The following ANXA2 variants were observed in gnomAD, a reference collection of about 807,000 sequenced individuals.
The protein encoded by ANXA2 is annexin A2.
ANXA2 carries 28 observed loss-of-function variants against 47.3 expected under a neutral mutation model. The observed-to-expected ratio is 0.59, with a 90% CI of 0.44 to 0.81. The LOEUF (loss-of-function observed/expected upper bound fraction) is 0.81, where lower values mean the gene tolerates loss of function less well. Ranked by LOEUF, ANXA2 falls within the 40% of genes least tolerant of loss-of-function variation. The pLI, the probability that ANXA2 is intolerant of heterozygous loss-of-function variation, is 0.00. For missense variants in ANXA2, 384 were observed against 414.3 expected (o/e 0.93, Z 0.64); for synonymous variants, 172 against 155.5 (o/e 1.11, Z -0.79).
intron 4 of ANXA2, chr15:60,361,420 C>G (rs1257795891): frequency 5.0e-6 from 1 of 200,560 alleles, no homozygotes; most frequent in Non-Finnish European, 1.0e-5. Flanking sequence ...GATCAAGGCC[C>G]CTGCTAAGAA....
chr15:60,373,777 G>C (rs2062741004), intron 3 of ANXA2, among the ~76,000 whole-genome samples: 1 of 152,212 alleles, frequency 6.6e-6, no homozygotes, highest in Non-Finnish European at 1.5e-5. Context: ...GAAAAGACTG[G>C]CTGAGTTAAC....
At chr15:60,396,474 A>G (rs754402249) in intron 1 of ANXA2, 1 of 152,084 alleles carries the variant, frequency 6.6e-6, no homozygotes, top group Non-Finnish European at 1.5e-5. Flanking sequence ...AGGGGCAAAG[A>G]CATAATTTTC....
chr15:60,354,227 A>C lies in ANXA2; in HGVS notation c.529-14T>G, dbSNP rs916881109. 54 of 1,598,936 alleles carry C rather than the reference A, an allele frequency of 3.4e-5. No homozygotes were observed. Among genetic ancestry groups the C allele is most frequent in the Non-Finnish European group, 4.6e-5 (54 of 1,171,356 alleles). On this transcript the variant is annotated splice_polypyrimidine_tract_variant and intron_variant, in intron 7 of 12. Transcript: ENST00000451270. ...TGCTCTTCTACCCTATGGGGGAAAG[A>C]AAAAGAACTTCAAATACATTTCTTT...
At chr15:60,378,566 AG>A (rs1262484660) in intron 3 of ANXA2, among the ~76,000 whole-genome samples, 2 of 152,232 alleles carry the variant, frequency 1.3e-5, no homozygotes, top group African/African-American at 2.4e-5. Context: ...TCTTCGCAAT[AG>A]TTCCTAAAAG....
chr15:60,384,331 G>A (rs528894329), intron 2 of ANXA2: 9 of 152,148 alleles, frequency 5.9e-5, no homozygotes, highest in Non-Finnish European at 1.0e-4. Flanking sequence ...CAACAGTGAG[G>A]GGGAAAAGTT....
chr15:60,382,571 T>C, intron 2 of ANXA2, 130 bp from the exon 3 acceptor site: 1 of 636,172 alleles, frequency 1.6e-6, no homozygotes, highest in Non-Finnish European at 2.7e-6. Flanking sequence ...GGTAACTAGG[T>C]AGGTATTAAC....
intron 1 of ANXA2, among the ~76,000 whole-genome samples, chr15:60,391,448 A>T (rs1248188124): frequency 6.6e-6 from 1 of 152,204 alleles, no homozygotes; most frequent in Non-Finnish European, 1.5e-5. Flanking sequence ...CAGAAGAACA[A>T]GACTACAGGC....
intron 3 of ANXA2, among the ~76,000 whole-genome samples, chr15:60,379,232 C>A (rs1208847500): frequency 6.7e-6 from 1 of 150,344 alleles, no homozygotes; most frequent in African/African-American, 2.5e-5. Context: ...GAGCCAAGAT[C>A]ACACCACTGC....
intron 1 of ANXA2, among the ~76,000 whole-genome samples, chr15:60,389,501 T>C (rs1307437712): frequency 6.6e-6 from 1 of 152,196 alleles, no homozygotes; most frequent in East Asian, 1.9e-4. Flanking sequence ...CTGATAGGCT[T>C]CTTTACACTC....
At chr15:60,384,334 G>T (rs1304761148) in intron 2 of ANXA2, 1 of 152,210 alleles carries the variant, frequency 6.6e-6, no homozygotes, top group African/African-American at 2.4e-5. Flanking sequence ...CAGTGAGGGG[G>T]AAAAGTTTTG....
intron 1 of ANXA2, among the ~76,000 whole-genome samples, chr15:60,392,406 TAA>T (rs56146858): frequency 4.1e-4 from 61 of 147,852 alleles, no homozygotes; most frequent in African/African-American, 5.9e-4. Flanking sequence ...TTGTCCTTAT[TAA>T]AAAAAAAAAA....
chr15:60,372,722 C>T (rs1595689620), intron 3 of ANXA2, among the ~76,000 whole-genome samples: 2 of 142,400 alleles, frequency 1.4e-5, no homozygotes. Context: ...TAAACAGGGT[C>T]TCACTCTGTT....
chr15:60,389,699 C>T (rs935821067), intron 1 of ANXA2, among the ~76,000 whole-genome samples: 3 of 152,184 alleles, frequency 2.0e-5, no homozygotes, highest in African/African-American at 7.2e-5. Context: ...CATTCAAAAT[C>T]AGTCCTCCAG....
At chr15:60,365,384 T>C (rs951973391) in intron 3 of ANXA2, among the ~76,000 whole-genome samples, 1 of 152,178 alleles carries the variant, frequency 6.6e-6, no homozygotes, top group African/African-American at 2.4e-5. Flanking sequence ...AGTTTGTAAA[T>C]TCAGAATGTG....
chr15:60,382,633 C>A (rs2062878710), intron 2 of ANXA2, 192 bp from the exon 3 acceptor site: 2 of 458,600 alleles, frequency 4.4e-6, no homozygotes, highest in Non-Finnish European at 8.0e-6. Flanking sequence ...AAGAATTCTT[C>A]AAAGGCTCAG....
intron 3 of ANXA2, among the ~76,000 whole-genome samples, chr15:60,378,708 G>A (rs373057713): frequency 2.0e-5 from 3 of 152,182 alleles, no homozygotes; most frequent in East Asian, 3.8e-4. Flanking sequence ...TCTCATACCT[G>A]TAATCCCAGC....
At chr15:60,368,565 TAAAA>T (rs749300788) in intron 3 of ANXA2, among the ~76,000 whole-genome samples, 25 of 140,328 alleles carry the variant, frequency 1.8e-4, no homozygotes, top group Non-Finnish European at 3.1e-4. Flanking sequence ...TACTGTTAAG[TAAAA>T]AAAAAAAAAG....
At chr15:60,351,309 T>C (rs1204006982) in intron 10 of ANXA2, 58 bp from the exon 11 acceptor site, 3 of 1,546,052 alleles carry the variant, frequency 1.9e-6, no homozygotes, top group Middle Eastern at 1.7e-4. Flanking sequence ...CCTCTACCAA[T>C]GAGAGAGGAT....
At chr15:60,349,005 G>C in intron 12 of ANXA2, 70 bp downstream of exon 12, 15 of 1,589,348 alleles carry the variant, frequency 9.4e-6, no homozygotes, top group Non-Finnish European at 1.3e-5. Context: ...TCATCATTCT[G>C]CCAGGCCACC....
Sources: allele counts gnomAD v4.1 joint callset (sites outside exome capture counted in the v4.1 genomes callset), GRCh38; gene constraint gnomAD v4.1.1; transcripts MANE v1.5; gene names NCBI Gene and HGNC (gene_info 2026-07-23, HGNC 2026-07-21).